Variants in AHCY observed in about 807,000 individuals in gnomAD.
AHCY encodes S-adenosyl-L-homocysteine hydrolase.
In AHCY, 24 loss-of-function variants were observed where a neutral mutation model predicts 45.4. That is an observed-to-expected ratio of 0.53 (90% CI 0.38 to 0.74). The LOEUF (loss-of-function observed/expected upper bound fraction) is 0.74, where lower values mean the gene tolerates loss of function less well. Among genes scored for constraint, AHCY ranks in the 30% least tolerant of loss-of-function variants. AHCY has a pLI of 0.00. For synonymous variants in AHCY, 245 were observed against 235.1 expected, an observed-to-expected ratio of 1.04 and a Z score of -0.39; for missense variants, 449 against 594.1, an observed-to-expected ratio of 0.76 and a Z score of 2.54.
chr20:34,287,391 T>A (rs2036224407), intron 8 of AHCY, among the ~76,000 whole-genome samples: 1 of 146,986 alleles, frequency 6.8e-6, no homozygotes, highest in Non-Finnish European at 1.5e-5. Context: ...TATTAATTTT[T>A]TTTTTTTTTT....
intron 1 of AHCY, among the ~76,000 whole-genome samples, chr20:34,299,459 T>C (rs1042906916): frequency 5.3e-5 from 8 of 152,204 alleles, no homozygotes; most frequent in Non-Finnish European, 1.2e-4. Context: ...TAACAGACTT[T>C]AGGGTTTGGG....
chr20:34,303,193 C>CCCGGGCGGGTG, intron 1 of AHCY, 50 bp downstream of exon 1: 1 of 1,550,368 alleles, frequency 6.5e-7, no homozygotes, highest in Non-Finnish European at 8.7e-7. Context: ...ACGAACAAGC[C>CCCGGGCGGGTG]CCGGGCGGGT....
chr20:34,301,642 A>G (rs559433314), intron 1 of AHCY: 1 of 248,888 alleles, frequency 4.0e-6, no homozygotes, highest in African/African-American at 2.3e-5. Flanking sequence ...CCCATCCCCA[A>G]ATCCAGCTTT....
At chr20:34,261,436 C>A in the AHCY span, among the ~76,000 whole-genome samples, 1 of 152,204 alleles carries the variant, frequency 6.6e-6, no homozygotes, top group Non-Finnish European at 1.5e-5. Flanking sequence ...GTGTTCAAGA[C>A]CAGCCTGGTC....
chr20:34,280,496 G>A lies in AHCY; in HGVS notation c.*538C>T. 5.5e-6 allele frequency: 1 copy of A among 183,374 alleles called. No individual in the cohort carries two copies. The highest frequency in any genetic ancestry group is 1.2e-5 in the Non-Finnish European group (1 of 85,286). 11.4% of individuals were successfully genotyped at this position (183,374 alleles called of 1,614,324 possible). A position where few individuals can be genotyped will look rare whatever the true frequency, so the allele number is the denominator to read the frequency against. On this transcript the variant is annotated 3_prime_UTR_variant, in exon 10 of 10. Transcript: ENST00000217426. ...CCCTTAACAGTCTATTCTAACCCCT[G>A]TAAAACAGGGACTAAAAGTACTAAC...
chr20:34,285,656 G>A (rs1464022281), intron 8 of AHCY, 22 bp from the exon 9 acceptor site: 1 of 1,610,750 alleles, frequency 6.2e-7, no homozygotes, highest in African/African-American at 1.3e-5. Context: ...CAGGGCAACA[G>A]TGAAGGCAGG....
At chr20:34,254,388 C>T in the AHCY span, among the ~76,000 whole-genome samples, 2 of 152,192 alleles carry the variant, frequency 1.3e-5, no homozygotes, top group Non-Finnish European at 2.9e-5. Flanking sequence ...GTATTAATAG[C>T]AGGGAGTGTG....
chr20:34,270,358 C>A, the AHCY span, among the ~76,000 whole-genome samples: 2 of 152,194 alleles, frequency 1.3e-5, no homozygotes, highest in Non-Finnish European at 2.9e-5. Flanking sequence ...CACACCCCCA[C>A]ACAGGAAAGC....
chr20:34,272,289 A>C, the AHCY span, among the ~76,000 whole-genome samples: 1 of 152,182 alleles, frequency 6.6e-6, no homozygotes, highest in African/African-American at 2.4e-5. Flanking sequence ...TCACACCACC[A>C]CAACAGTCAT....
At chr20:34,284,168 CT>C (rs532239785) in intron 9 of AHCY, among the ~76,000 whole-genome samples, 6 of 149,390 alleles carry the variant, frequency 4.0e-5, no homozygotes, top group Admixed American at 6.7e-5. Flanking sequence ...AGGGATGTAT[CT>C]TTTTTTTTTG....
At chr20:34,258,698 A>AC in the AHCY span, among the ~76,000 whole-genome samples, 2 of 62,048 alleles carry the variant, frequency 3.2e-5, no homozygotes, top group South Asian at 4.9e-4. Context: ...TATACATACT[A>AC]TATATATATA....
At chr20:34,296,663 G>C (rs1415443905) in intron 1 of AHCY, among the ~76,000 whole-genome samples, 8 of 152,078 alleles carry the variant, frequency 5.3e-5, no homozygotes, top group Admixed American at 2.0e-4. Context: ...AAAGTTTGCA[G>C]ACTTCCCCGG....
chr20:34,239,440 C>T, the AHCY span, among the ~76,000 whole-genome samples: 1 of 152,226 alleles, frequency 6.6e-6, no homozygotes, highest in African/African-American at 2.4e-5. Flanking sequence ...TCTTCTCGAA[C>T]TCCTGACCTC....
the AHCY span, among the ~76,000 whole-genome samples, chr20:34,269,970 A>AC: frequency 7.8e-6 from 1 of 127,834 alleles, no homozygotes; most frequent in African/African-American, 2.7e-5. Context: ...AAAAAAAAAA[A>AC]AAAAAAAAAC....
downstream of AHCY, among the ~76,000 whole-genome samples, chr20:34,279,186 G>A (rs1192670451): frequency 4.6e-5 from 7 of 151,224 alleles, no homozygotes; most frequent in Non-Finnish European, 1.0e-4. Context: ...TGGCCGAGGC[G>A]GGTGGATCAC....
chr20:34,253,281 T>C, the AHCY span, among the ~76,000 whole-genome samples: 1 of 151,596 alleles, frequency 6.6e-6, no homozygotes, highest in Non-Finnish European at 1.5e-5. Context: ...AATTTTTTTG[T>C]ATTTTTAGTA....
chr20:34,280,152 G>C (rs2035956503), downstream of AHCY: 1 of 152,140 alleles, frequency 6.6e-6, no homozygotes, highest in South Asian at 2.1e-4. Context: ...AAGGACCACA[G>C]ACAGCCGTTC....
At chr20:34,309,878 GAGGT>G (rs979565656) in intron 1 of AHCY, among the ~76,000 whole-genome samples, 10 of 151,326 alleles carry the variant, frequency 6.6e-5, no homozygotes, top group African/African-American at 2.2e-4. Flanking sequence ...GGGAGAAAAG[GAGGT>G]AGGGAGGGAA....
Position 34,295,479 on chromosome 20 carries a change from C to T in AHCY, c.135G>A (p.Leu45=), listed in dbSNP as rs1007988861. The change falls in exon 2 of 10, where the codon CTG becomes CTA. Residue 45 remains leucine (L), a synonymous_variant. Transcript: ENST00000217426. ...GGCAGCCAGCGATGCGGGCGCCCTT[C>T]AGTGGCTTGGAGGCCGAGTACCGCT... ...MRERYSASKP[L]KGARIAGCLH... The T allele has an allele frequency of 5.0e-6, 8 of 1,613,988 alleles. No individual in the cohort carries two copies. The highest frequency in any genetic ancestry group is 6.8e-6 in the Non-Finnish European group (8 of 1,180,042).
Sources: allele counts gnomAD v4.1 joint callset (sites outside exome capture counted in the v4.1 genomes callset), GRCh38; gene constraint gnomAD v4.1.1; transcripts MANE v1.5; gene names NCBI Gene and HGNC (gene_info 2026-07-23, HGNC 2026-07-21).